CSNK1G2: variants seen among roughly 807,000 people sequenced by gnomAD.
CSNK1G2 encodes the protein casein kinase I isoform gamma-2.
A neutral mutation model predicts 48.0 loss-of-function variants in CSNK1G2; 11 were observed. The observed-to-expected ratio is 0.23, with a 90% CI of 0.14 to 0.38. The LOEUF (loss-of-function observed/expected upper bound fraction) is 0.38. Ranked by LOEUF, CSNK1G2 falls within the 10% of genes least tolerant of loss-of-function variation. The pLI is 1.00. For missense variants in CSNK1G2, 446 were observed against 595.5 expected (o/e 0.75, Z 2.61); for synonymous variants, 337 against 254.1 (o/e 1.33, Z -3.10).
chr19:1,980,006 C>A lies in CSNK1G2; in HGVS notation c.1182C>A (p.Ala394=). The part of the protein sequence containing the change: ...PITAPAEVEV[A]DETKCCCFFK... ...CAGCGCCTGCAGAGGTGGAGGTGGCCGATGAAACCAAGTAAGGCTCTGGGG... is the reference window on the plus strand; with the variant it reads ...CAGCGCCTGCAGAGGTGGAGGTGGCAGATGAAACCAAGTAAGGCTCTGGGG... Residue 394 remains alanine (A), a synonymous_variant, in exon 11 of 12, where the codon GCC becomes GCA. Coordinates refer to ENST00000255641, the MANE Select transcript of CSNK1G2 (RefSeq NM_001319.7). 2 of 1,577,208 alleles carry A rather than the reference C, an allele frequency of 1.3e-6. No homozygotes were observed. Among genetic ancestry groups the A allele is most frequent in the East Asian group, 2.2e-5 (1 of 44,480 alleles).
At chr19:1,974,972 C>T (rs2015703497) in intron 2 of CSNK1G2, 1 of 756,862 alleles carries the variant, frequency 1.3e-6, no homozygotes, top group African/African-American at 1.9e-5. Context: ...CTTTCAGAGC[C>T]CAGAGCGCCC....
At position 1,980,402 on chromosome 19, in the gene CSNK1G2, G is replaced by C. The variant is rs754760721; in HGVS notation, c.*199G>C. ...GGTCACTTCCTTCATGTAAGACTTTGGCCGAAATTTCTACACCTGTGTCTA... is the reference window on the plus strand; with the variant it reads ...GGTCACTTCCTTCATGTAAGACTTTCGCCGAAATTTCTACACCTGTGTCTA... On this transcript the variant is annotated 3_prime_UTR_variant, in exon 12 of 12. Transcript: ENST00000255641. The C allele has an allele frequency of 1.8e-5, 12 of 660,654 alleles. No homozygotes were observed. The highest frequency in any genetic ancestry group is 3.2e-5 in the Non-Finnish European group (12 of 373,612). 40.9% of individuals were successfully genotyped at this position (660,654 alleles called of 1,614,324 possible). A position where few individuals can be genotyped will look rare whatever the true frequency, so the allele number is the denominator to read the frequency against.
rs1436396852 is a variant in CSNK1G2, at chr19:1,980,418, C to T, written c.*215C>T. 3.2e-6 allele frequency: 2 copies of T among 633,222 alleles called. No individual in the cohort carries two copies. The highest frequency in any genetic ancestry group is 3.6e-5 in the South Asian group (2 of 55,996). 39.2% of individuals were successfully genotyped at this position (633,222 alleles called of 1,614,324 possible). A position where few individuals can be genotyped will look rare whatever the true frequency, so the allele number is the denominator to read the frequency against. On this transcript the variant is annotated 3_prime_UTR_variant, in exon 12 of 12. Transcript: ENST00000255641. ...TAAGACTTTGGCCGAAATTTCTACA[C>T]CTGTGTCTAGTCCTCCCCTCCAAGA...
At chr19:1,960,479 C>G (rs1211800134) in intron 1 of CSNK1G2, among the ~76,000 whole-genome samples, 1 of 152,218 alleles carries the variant, frequency 6.6e-6, no homozygotes, top group African/African-American at 2.4e-5. Context: ...GTTTGCCGTG[C>G]TGGATCTCAC....
rs1392665780 is a variant in CSNK1G2, at chr19:1,976,674, C to T, written c.188-1631C>T. Among the ~76,000 whole-genome samples the T allele has an allele frequency of 2.6e-5, 4 of 152,100 alleles. No homozygotes were observed. The East Asian group carries it at 5.8e-4, about 22-fold the overall frequency. ...TTAGCAGGGTTTCCAAACCCATTGT[C>T]TCCACGGCCACCCTGCCAGTCCAGC... On this transcript the variant is annotated intron_variant, in intron 2 of 11. Coordinates refer to ENST00000255641, the MANE Select transcript of CSNK1G2 (RefSeq NM_001319.7).
At position 1,979,409 on chromosome 19, in the gene CSNK1G2, G is replaced by T; in HGVS notation, c.853+6G>T. The T allele has an allele frequency of 5.8e-6, 9 of 1,562,096 alleles. No individual in the cohort carries two copies. Among genetic ancestry groups the T allele is most frequent in the Non-Finnish European group, 7.8e-6 (9 of 1,154,874 alleles). On this transcript the variant is annotated splice_donor_region_variant and intron_variant, in intron 8 of 11. Coordinates refer to ENST00000255641, the MANE Select transcript of CSNK1G2 (RefSeq NM_001319.7). ...GCTCTGCGAGAACTTCCCAGGTAAG[G>T]GGTCCCTGCGCCCCCGCCCTGTGCC... is the stretch of plus-strand genomic sequence containing the variant.
chr19:1,973,485 C>T (rs568210292), intron 2 of CSNK1G2, among the ~76,000 whole-genome samples: 70 of 152,366 alleles, frequency 4.6e-4, no homozygotes, highest in South Asian at 2.5e-3. Context: ...GCTGGGATTA[C>T]AGGCGTGGGC....
chr19:1,968,107 C>T (rs1294223363), intron 1 of CSNK1G2, among the ~76,000 whole-genome samples: 6 of 55,352 alleles, frequency 1.1e-4, no homozygotes, highest in African/African-American at 4.4e-4. Flanking sequence ...CCCCAGGCTG[C>T]CCCCGACCAC....
intron 1 of CSNK1G2, among the ~76,000 whole-genome samples, chr19:1,965,916 T>C (rs4807181): frequency 0.56 from 85,337 of 151,958 alleles, 27,174 homozygotes; most frequent in African/African-American, 0.87. Flanking sequence ...CTCACCTCAG[T>C]CTCCTAAGTA....
In CSNK1G2 at chr19:1,961,033, G is replaced by A. The variant is rs1402755218; in HGVS notation, c.-265-8475G>A. Among the ~76,000 whole-genome samples, 4 of 152,330 alleles carry A rather than the reference G, an allele frequency of 2.6e-5. No individual in the cohort carries two copies. The East Asian group carries it at 7.7e-4, about 29-fold the overall frequency. ...TGCGGCGGGGCGTGGGCAGAGGAGAGGCTTCGGGCTCCGGTTTCCTCTCCT... is the reference window on the plus strand; with the variant it reads ...TGCGGCGGGGCGTGGGCAGAGGAGAAGCTTCGGGCTCCGGTTTCCTCTCCT... On this transcript the variant is annotated intron_variant, in intron 1 of 11. Transcript: ENST00000255641.
At position 1,978,739 on chromosome 19, in the gene CSNK1G2, G is replaced by A. The variant is rs1329370222; in HGVS notation, c.436G>A (p.Ala146Thr). 3 of 1,376,302 alleles carry A rather than the reference G, an allele frequency of 2.2e-6. No individual in the cohort carries two copies. The highest frequency in any genetic ancestry group is 1.9e-5 in the Admixed American group (1 of 53,420). The allele number at this position is 1,376,302 out of a possible 1,614,324, so 85.3% of individuals were successfully genotyped here. A position where few individuals can be genotyped will look rare whatever the true frequency, so the allele number is the denominator to read the frequency against. The stretch of plus-strand genomic sequence containing the variant: ...CACGCTCAAGACGGTGCTGATGATC[G>A]CCATCCAGCTGGTGCGCGGCGGGCG... ...TFTLKTVLMI[A>T]IQLITRMEYV... The change falls in exon 5 of 12, where the codon GCC becomes ACC. Residue 146 changes from alanine (A) to threonine (T), a missense_variant. This residue lies in a region of CSNK1G2 where 258 missense variants were observed against 415.9 expected (regional missense o/e 0.62). Coordinates refer to ENST00000255641, the MANE Select transcript of CSNK1G2 (RefSeq NM_001319.7). The surrounding 1 kb of genome is among the most constrained non-coding windows in gnomAD (Gnocchi z 7.3).
At chr19:1,973,456 C>T (rs146020839) in intron 2 of CSNK1G2, among the ~76,000 whole-genome samples, 355 of 152,332 alleles carry the variant, frequency 2.3e-3, no homozygotes, top group Middle Eastern at 6.8e-3. Flanking sequence ...GTGATCTGCC[C>T]GCCTTGGCCT....
chr19:1,967,145 G>T (rs1382867054), intron 1 of CSNK1G2, among the ~76,000 whole-genome samples: 1 of 152,222 alleles, frequency 6.6e-6, no homozygotes, highest in Non-Finnish European at 1.5e-5. Flanking sequence ...CATTCGAGCG[G>T]CTGTTGCCGT....
At chr19:1,963,538 C>T (rs376912132) in intron 1 of CSNK1G2, among the ~76,000 whole-genome samples, 26 of 151,422 alleles carry the variant, frequency 1.7e-4, no homozygotes, top group Non-Finnish European at 3.7e-4. Context: ...GGCAGTGTCT[C>T]GCTGTATCAC....
At chr19:1,965,627 A>T (rs534564975) in intron 1 of CSNK1G2, among the ~76,000 whole-genome samples, 18 of 152,074 alleles carry the variant, frequency 1.2e-4, no homozygotes, top group African/African-American at 4.3e-4. Context: ...CAGCCTCCTG[A>T]GTAGCTGGGG....
At chr19:1,943,815 C>A (rs907448873) in intron 1 of CSNK1G2, among the ~76,000 whole-genome samples, 1 of 152,146 alleles carries the variant, frequency 6.6e-6, no homozygotes, top group Non-Finnish European at 1.5e-5. Context: ...CCTTTCTGCA[C>A]CCCCCACCGA....
chr19:1,952,698 C>G (rs191993232), intron 1 of CSNK1G2: 171 of 254,168 alleles, frequency 6.7e-4, no homozygotes, highest in African/African-American at 3.8e-3. Flanking sequence ...GAGGGTCATG[C>G]GCCTAGCAGG....
intron 1 of CSNK1G2, among the ~76,000 whole-genome samples, chr19:1,968,558 G>T (rs954913570): frequency 6.6e-6 from 1 of 152,218 alleles, no homozygotes; most frequent in African/African-American, 2.4e-5. Flanking sequence ...GTGGCAACAG[G>T]CTCTGGGGCC....
chr19:1,948,220 G>T (rs868561898), intron 1 of CSNK1G2, among the ~76,000 whole-genome samples: 2 of 152,180 alleles, frequency 1.3e-5, no homozygotes, highest in Admixed American at 6.5e-5. Context: ...GGCTCACAGC[G>T]TTTCTTAAAA....
Sources: allele counts gnomAD v4.1 joint callset (sites outside exome capture counted in the v4.1 genomes callset), GRCh38; gene constraint gnomAD v4.1.1; regional missense constraint gnomAD v4.1.1; non-coding constraint Gnocchi (gnomAD v3.1); transcripts MANE v1.5; gene names NCBI Gene and HGNC (gene_info 2026-07-23, HGNC 2026-07-21).